The following NPVF variants were observed in gnomAD, a reference collection of about 807,000 sequenced individuals.
NPVF encodes pro-FMRFamide-related neuropeptide VF.
NPVF carries 17 observed loss-of-function variants against 15.7 expected under a neutral mutation model. That is an observed-to-expected ratio of 1.08 (90% CI 0.74 to 1.62). The LOEUF is 1.62. Ranked by LOEUF, NPVF falls within the 40% of genes most tolerant of loss-of-function variation. NPVF has a pLI of 0.00. For synonymous variants in NPVF, 70 were observed against 80.1 expected (o/e 0.87, Z 0.67); for missense variants, 270 against 225.2 (o/e 1.20, Z -1.27).
intron 2 of NPVF, among the ~76,000 whole-genome samples, chr7:25,226,065 A>G (rs2023859): frequency 0.29 from 44,783 of 152,072 alleles, 6,728 homozygotes; most frequent in African/African-American, 0.36. Context: ...TACGCTCTCT[A>G]CTATAAAAGA....
Position 25,226,049 on chromosome 7 carries a change from T to A in NPVF, c.539+577A>T, listed in dbSNP as rs542141542. On this transcript the variant is annotated intron_variant, in intron 2 of 2. Coordinates refer to ENST00000222674, the MANE Select transcript of NPVF (RefSeq NM_022150.3). ...TACTTCATATAAAAAAAATTTTTTT[T>A]AAGCATACGCTCTCTACTATAAAAG... 7.9e-5 allele frequency among the ~76,000 whole-genome samples: 12 copies of A among 152,348 alleles called. No homozygotes were observed. In the South Asian group the frequency reaches 2.5e-3, roughly 32 times the overall value.
At chr7:25,227,278 G>A (rs1783143010) in intron 1 of NPVF, among the ~76,000 whole-genome samples, 1 of 152,124 alleles carries the variant, frequency 6.6e-6, no homozygotes, top group South Asian at 2.1e-4. Flanking sequence ...ACAGCAATGA[G>A]TTCAAGCAGC....
chr7:25,224,986 G>A lies in NPVF; in HGVS notation c.*136C>T. Reference sequence around the variant, plus strand: ...TTACAACTTTCAAGATACTATTATAGCTGTACTGACAAGGAAAAATTGCCG... The same window carrying A: ...TTACAACTTTCAAGATACTATTATAACTGTACTGACAAGGAAAAATTGCCG... On this transcript the variant is annotated 3_prime_UTR_variant, in exon 3 of 3. Coordinates refer to ENST00000222674, the MANE Select transcript of NPVF (RefSeq NM_022150.3). The A allele has an allele frequency of 7.7e-6, 5 of 646,576 alleles. No homozygotes were observed. Among genetic ancestry groups the A allele is most frequent in the Non-Finnish European group, 1.4e-5 (5 of 365,794 alleles). The allele number at this position is 646,576 out of a possible 1,614,324, so 40.1% of individuals were successfully genotyped here.
At chr7:25,227,956 T>C (rs893351549) in intron 1 of NPVF, among the ~76,000 whole-genome samples, 3 of 152,250 alleles carry the variant, frequency 2.0e-5, no homozygotes, top group Non-Finnish European at 4.4e-5. Context: ...TGTTTGTTTG[T>C]TTGTAGTTTA....
chr7:25,225,227 G>T, intron 2 of NPVF, 54 bp from the exon 3 acceptor site: 1 of 1,409,948 alleles, frequency 7.1e-7, no homozygotes, highest in Non-Finnish European at 1.0e-6. Flanking sequence ...CAGCATGCAA[G>T]TGTGTATACA....
In NPVF at chr7:25,225,121, C is replaced by T. The variant is rs770824027; in HGVS notation, c.*1G>A. The T allele has an allele frequency of 6.2e-7, 1 of 1,613,128 alleles. No individual in the cohort carries two copies. Among genetic ancestry groups the T allele is most frequent in the Non-Finnish European group, 8.5e-7 (1 of 1,179,540 alleles). On this transcript the variant is annotated 3_prime_UTR_variant, in exon 3 of 3. Transcript: ENST00000222674. ...AGCTTTAGGGACAGGCTCCAGGTTT[C>T]TTATTTTTCTTGTTTCAATTCTGCA...
At position 25,226,949 on chromosome 7, in the gene NPVF, CTTA is replaced by C. The variant is rs771826341; in HGVS notation, c.213_215del (p.Ile71_Lys72delinsMet). On this transcript the variant is annotated inframe_deletion, in exon 2 of 3. Transcript: ENST00000222674. ...TTTTATTGACTGCAGGTGTACTCAT[CTTA>C]ATAACATTTTTTGGTCCCCAATCTT... The C allele has an allele frequency of 1.4e-5, 22 of 1,610,756 alleles. No individual in the cohort carries two copies. Among genetic ancestry groups the C allele is most frequent in the Non-Finnish European group, 1.7e-5 (20 of 1,179,178 alleles).
intron 1 of NPVF, among the ~76,000 whole-genome samples, chr7:25,227,581 A>G (rs1583441319): frequency 1.3e-5 from 2 of 152,320 alleles, no homozygotes; most frequent in South Asian, 4.1e-4. Context: ...AGCTTTCTCA[A>G]GAAACCAATT....
At chr7:25,228,091 T>C (rs372225936) in intron 1 of NPVF, among the ~76,000 whole-genome samples, 10 of 152,216 alleles carry the variant, frequency 6.6e-5, no homozygotes, top group African/African-American at 2.4e-4. Flanking sequence ...AGTACCATAC[T>C]CACCAGTACA....
In NPVF at chr7:25,228,297, C is replaced by T; in HGVS notation, c.138+5G>A. 4 of 1,444,502 alleles carry T rather than the reference C, an allele frequency of 2.8e-6. No homozygotes were observed. Among genetic ancestry groups the T allele is most frequent in the Non-Finnish European group, 3.9e-6 (4 of 1,031,308 alleles). 89.5% of individuals were successfully genotyped at this position (1,444,502 alleles called of 1,614,324 possible). ...ACTCACATTAGAGAGATTTAAAAAA[C>T]TTACCTCAGAATATTTGTCATAATT... On this transcript the variant is annotated splice_donor_5th_base_variant and intron_variant, in intron 1 of 2. Transcript: ENST00000222674.
In NPVF at chr7:25,224,668, A is replaced by T. The variant is rs1783101859; in HGVS notation, c.*454T>A. ...CAGATTCATTAACATTTGACACGAT[A>T]GAAAGGGTGTACAGAAACACGTTTG... On this transcript the variant is annotated 3_prime_UTR_variant, in exon 3 of 3. Transcript: ENST00000222674. The T allele has an allele frequency of 1.3e-5, 2 of 154,896 alleles. No individual in the cohort carries two copies. The highest frequency in any genetic ancestry group is 2.4e-5 in the African/African-American group (1 of 41,638). The allele number at this position is 154,896 out of a possible 1,614,324, so 9.6% of individuals were successfully genotyped here. A position where few individuals can be genotyped will look rare whatever the true frequency, so the allele number is the denominator to read the frequency against.
chr7:25,227,068 T>G (rs1359863689), intron 1 of NPVF, 42 bp from the exon 2 acceptor site: 2 of 1,496,902 alleles, frequency 1.3e-6, no homozygotes, highest in Admixed American at 2.0e-5. Context: ...ACTGTTGTTA[T>G]AAGCAACAGA....
Position 25,224,993 on chromosome 7 carries a change from T to C in NPVF, c.*129A>G, listed in dbSNP as rs1325177944. 4.3e-6 allele frequency: 3 copies of C among 696,284 alleles called. No individual in the cohort carries two copies. The highest frequency in any genetic ancestry group is 1.9e-5 in the South Asian group (1 of 52,216). 43.1% of individuals were successfully genotyped at this position (696,284 alleles called of 1,614,324 possible). A position where few individuals can be genotyped will look rare whatever the true frequency, so the allele number is the denominator to read the frequency against. ...TTTCAAGATACTATTATAGCTGTAC[T>C]GACAAGGAAAAATTGCCGTTGATGA... On this transcript the variant is annotated 3_prime_UTR_variant, in exon 3 of 3. Coordinates refer to ENST00000222674, the MANE Select transcript of NPVF (RefSeq NM_022150.3).
chr7:25,225,312 G>T (rs3801895), intron 2 of NPVF, 139 bp from the exon 3 acceptor site: 78,988 of 669,058 alleles, frequency 0.12, 5,119 homozygotes, highest in South Asian at 0.18. Context: ...GTGAGATATT[G>T]GGGGGATGCT....
chr7:25,228,276 A>C (rs1783155778), intron 1 of NPVF, 26 bp downstream of exon 1: 9 of 1,363,712 alleles, frequency 6.6e-6, no homozygotes, highest in Non-Finnish European at 8.3e-6. Context: ...AATGCTACTC[A>C]CATTAGAGAG....
intron 1 of NPVF, among the ~76,000 whole-genome samples, chr7:25,228,043 A>G (rs1783153014): frequency 6.6e-6 from 1 of 152,216 alleles, no homozygotes; most frequent in African/African-American, 2.4e-5. Flanking sequence ...TGCACTTGTG[A>G]GTTGATTGAA....
In NPVF at chr7:25,228,358, C is replaced by T; in HGVS notation, c.82G>A (p.Asp28Asn). The change falls in exon 1 of 3, where the codon GAT becomes AAT. Residue 28 changes from aspartate (D) to asparagine (N), a missense_variant. Coordinates refer to ENST00000222674, the MANE Select transcript of NPVF (RefSeq NM_022150.3). ...SLLTSNIFCA[D>N]ELVMSNLHSK... ...TGAAGATTGGACATCACTAATTCAT[C>T]TGCACAAAAAATGTTTGATGTTAAC... 6.4e-7 allele frequency: 1 copy of T among 1,552,254 alleles called. No individual in the cohort carries two copies. Among genetic ancestry groups the T allele is most frequent in the South Asian group, 1.1e-5 (1 of 89,434 alleles).
At chr7:25,227,135 TAAAC>T in intron 1 of NPVF, 109 bp from the exon 2 acceptor site, 1 of 1,019,556 alleles carries the variant, frequency 9.8e-7, no homozygotes, top group Middle Eastern at 2.5e-4. Flanking sequence ...GTTAAAGCTA[TAAAC>T]AAAGTTTGTG....
Position 25,228,359 on chromosome 7 carries a change from T to C in NPVF, c.81A>G (p.Ala27=), listed in dbSNP as rs769629895. ...GAAGATTGGACATCACTAATTCATC[T>C]GCACAAAAAATGTTTGATGTTAACA... ...SSLLTSNIFC[A]DELVMSNLHS... is the part of the protein sequence containing the mutation. Residue 27 remains alanine, a synonymous_variant, in exon 1 of 3, where the codon GCA becomes GCG. Transcript: ENST00000222674. 4 of 1,553,504 alleles carry C rather than the reference T, an allele frequency of 2.6e-6. No individual in the cohort carries two copies. The highest frequency in any genetic ancestry group is 3.4e-5 in the Admixed American group (2 of 59,686).
Sources: allele counts gnomAD v4.1 joint callset (sites outside exome capture counted in the v4.1 genomes callset), GRCh38; gene constraint gnomAD v4.1.1; transcripts MANE v1.5; gene names NCBI Gene and HGNC (gene_info 2026-07-23, HGNC 2026-07-21).